The following USP28 variants were observed in gnomAD, a reference collection of about 807,000 sequenced individuals.
The protein encoded by USP28 is ubiquitin specific peptidase 28.
In USP28, 113 loss-of-function variants were observed where a neutral mutation model predicts 145.0. That is an observed-to-expected ratio of 0.78 (90% CI 0.67 to 0.91). The LOEUF is 0.91. Among genes scored for constraint, USP28 ranks in the 40% least tolerant of loss-of-function variants. The probability of loss-of-function intolerance (pLI) is 0.00; values close to 1 mark genes in which losing one functional copy is unlikely to be tolerated. For missense variants in USP28, 1,201 were observed against 1,289.6 expected (o/e 0.93, Z 1.05); for synonymous variants, 447 against 450.9 (o/e 0.99, Z 0.11).
intron 1 of USP28, among the ~76,000 whole-genome samples, chr11:113,872,432 AGCAGAGATCGCGCCACT>A (rs1170454009): frequency 6.6e-6 from 1 of 151,684 alleles, no homozygotes; most frequent in African/African-American, 2.4e-5. Flanking sequence ...GCTTGCAGTG[AGCAGAGATCGCGCCACT>A]GCACTTCAGC....
exon 3 of USP28, chr11:113,852,563 T>A: frequency 6.2e-7 from 1 of 1,614,192 alleles, no homozygotes; most frequent in South Asian, 1.1e-5. Context: ...AGCAACAGTG[T>A]CTTGACTGGG....
At chr11:113,821,431 G>T in intron 12 of USP28, 1 of 225,900 alleles carries the variant, frequency 4.4e-6, no homozygotes. Flanking sequence ...AGTGAGCTTG[G>T]GTAGAGTTCT....
Position 113,831,997 on chromosome 11 carries a change from TAA to T in USP28, c.760-6_760-5del, listed in dbSNP as rs745509835. On this transcript the variant is annotated splice_region_variant and splice_polypyrimidine_tract_variant and intron_variant, in intron 7 of 24. Transcript: ENST00000003302. Reference sequence around the variant, plus strand: ...GTGTGAATTCACTCACATCTTGCTATAAGAGAGGCACAAATTGCATAAAAGTT... The same window carrying T: ...GTGTGAATTCACTCACATCTTGCTATGAGAGGCACAAATTGCATAAAAGTT... 1.2e-6 allele frequency: 2 copies of T among 1,611,756 alleles called. No individual in the cohort carries two copies. Among genetic ancestry groups the T allele is most frequent in the East Asian group, 2.2e-5 (1 of 44,888 alleles).
chr11:113,843,210 C>T (rs1055749729), intron 3 of USP28, among the ~76,000 whole-genome samples: 13 of 151,834 alleles, frequency 8.6e-5, no homozygotes, highest in African/African-American at 2.4e-4. Flanking sequence ...ACAGCCTGGG[C>T]GACAGAGTGA....
Position 113,808,375 on chromosome 11 carries a change from T to A in USP28, c.2227A>T (p.Lys743Ter), listed in dbSNP as rs888750887. Residue 743 changes from lysine to a stop codon, truncating the protein, a stop_gained, in exon 18 of 25, where the codon AAG (lysine) becomes TAG (stop). Coordinates refer to ENST00000003302, the Ensembl canonical transcript of USP28. LOFTEE classifies it high-confidence loss of function. ...GCAATAGCCTGGGCAGTTTGCTCCT[T>A]TACAATCACAGCATGCTCAGACGAC... is the stretch of plus-strand genomic sequence containing the variant. 1.9e-6 allele frequency: 3 copies of A among 1,613,896 alleles called. No individual in the cohort carries two copies. Among genetic ancestry groups the A allele is most frequent in the Non-Finnish European group, 2.5e-6 (3 of 1,180,018 alleles).
rs187867041 is a variant in USP28 at position 113,851,832 on chromosome 11, A to G, written c.268+669T>C. Among the ~76,000 whole-genome samples, 734 of 100,962 alleles carry G rather than the reference A, an allele frequency of 7.3e-3. 4 individuals are homozygous for G. The highest frequency in any genetic ancestry group is 0.022 in the African/African-American group (706 of 32,174). The allele number at this position is 100,962 out of a possible 152,430, so 66.2% of individuals were successfully genotyped here. ...TCCAATTGGAAATACAGTCCCCAGCACTCTTTTTTTCATTTCTTTCTTCTG... is the reference window on the plus strand; with the variant it reads ...TCCAATTGGAAATACAGTCCCCAGCGCTCTTTTTTTCATTTCTTTCTTCTG... On this transcript the variant is annotated intron_variant, in intron 3 of 24. Coordinates refer to ENST00000003302, the Ensembl canonical transcript of USP28.
intron 12 of USP28, among the ~76,000 whole-genome samples, chr11:113,819,694 G>A (rs990850168): frequency 6.6e-6 from 1 of 152,078 alleles, no homozygotes; most frequent in Non-Finnish European, 1.5e-5. Flanking sequence ...TAGGGGCTTG[G>A]TTTACCAAGA....
rs115048777 is a variant in USP28, at chr11:113,839,168, T to C, written c.534+1430A>G. Among the ~76,000 whole-genome samples, 396 of 152,340 alleles carry C rather than the reference T, an allele frequency of 2.6e-3. 1 individual carries two copies. The highest frequency in any genetic ancestry group is 9.2e-3 in the African/African-American group (383 of 41,574). The stretch of plus-strand genomic sequence containing the variant: ...ATGGTATCTCCTTAAACTCAACTCA[T>C]TTAAGTTGGAGGATTTGCTGGGTAT... On this transcript the variant is annotated intron_variant, in intron 5 of 24. Coordinates refer to ENST00000003302, the Ensembl canonical transcript of USP28.
intron 13 of USP28, among the ~76,000 whole-genome samples, 183 bp from the exon 14 acceptor site, chr11:113,815,565 G>A (rs1391966378): frequency 6.6e-6 from 1 of 152,202 alleles, no homozygotes; most frequent in Non-Finnish European, 1.5e-5. Flanking sequence ...GGCCTGTGAG[G>A]TAGATACTTT....
At chr11:113,860,100 C>T (rs1947495113) in intron 1 of USP28, among the ~76,000 whole-genome samples, 1 of 152,176 alleles carries the variant, frequency 6.6e-6, no homozygotes, top group Non-Finnish European at 1.5e-5. Flanking sequence ...ACAATCAATA[C>T]CTGGCCTGAT....
intron 12 of USP28, among the ~76,000 whole-genome samples, chr11:113,822,742 G>A (rs1565383264): frequency 6.6e-6 from 1 of 152,190 alleles, no homozygotes; most frequent in African/African-American, 2.4e-5. Context: ...AGTATTTGAG[G>A]AACTGGTTTT....
intron 1 of USP28, among the ~76,000 whole-genome samples, chr11:113,871,098 T>C (rs1405745570): frequency 6.6e-6 from 1 of 152,218 alleles, no homozygotes; most frequent in Non-Finnish European, 1.5e-5. Context: ...GTATGCTGAT[T>C]GGCAGTGTAT....
At chr11:113,872,924 C>T (rs961846401) in intron 1 of USP28, among the ~76,000 whole-genome samples, 1 of 152,190 alleles carries the variant, frequency 6.6e-6, no homozygotes, top group Non-Finnish European at 1.5e-5. Flanking sequence ...CGAGTCCATA[C>T]TGATAGCATA....
chr11:113,872,978 G>A (rs572138251), intron 1 of USP28, among the ~76,000 whole-genome samples: 5 of 152,170 alleles, frequency 3.3e-5, no homozygotes, highest in African/African-American at 9.7e-5. Flanking sequence ...TTCTTGGGAG[G>A]CCATAAAGGG....
chr11:113,806,027 C>G (rs1424747973), intron 19 of USP28, among the ~76,000 whole-genome samples: 1 of 151,824 alleles, frequency 6.6e-6, no homozygotes, highest in Non-Finnish European at 1.5e-5. Flanking sequence ...CACCTGGGCT[C>G]AAGTGATCCT....
chr11:113,873,398 C>T (rs956025138), intron 1 of USP28, among the ~76,000 whole-genome samples: 1 of 152,160 alleles, frequency 6.6e-6, no homozygotes, highest in Non-Finnish European at 1.5e-5. Context: ...AGTACTCCAG[C>T]CAGCCACAGC....
exon 22 of USP28, chr11:113,803,829 G>A (rs755452262): frequency 6.2e-7 from 1 of 1,613,956 alleles, no homozygotes; most frequent in East Asian, 2.2e-5. Context: ...AGGCCTGTTA[G>A]GAGATACACA....
At chr11:113,807,825 G>A (rs2135299550) in intron 18 of USP28, 126 bp downstream of exon 19, 1 of 602,092 alleles carries the variant, frequency 1.7e-6, no homozygotes, top group African/African-American at 2.0e-5. Context: ...AACCAAATAG[G>A]CTTTCTTGAC....
intron 5 of USP28, among the ~76,000 whole-genome samples, chr11:113,839,898 T>C (rs1945003683): frequency 6.6e-6 from 1 of 152,124 alleles, no homozygotes; most frequent in South Asian, 2.1e-4. Flanking sequence ...GGTACATGCC[T>C]GTAGTCTCAG....
Sources: allele counts gnomAD v4.1 joint callset (sites outside exome capture counted in the v4.1 genomes callset), GRCh38; gene constraint gnomAD v4.1.1; transcripts MANE v1.5; gene names NCBI Gene and HGNC (gene_info 2026-07-23, HGNC 2026-07-21).